The following CDH9 variants were observed in gnomAD, a reference collection of about 807,000 sequenced individuals.
CDH9 encodes cadherin-9.
CDH9 carries 28 observed loss-of-function variants against 70.9 expected under a neutral mutation model. The observed-to-expected ratio is 0.40, with a 90% CI of 0.29 to 0.54. The LOEUF (loss-of-function observed/expected upper bound fraction) is 0.54, where lower values mean the gene tolerates loss of function less well. CDH9 is among the 20% of genes least tolerant of loss of function. CDH9 has a pLI of 0.59. For synonymous variants in CDH9, 409 were observed against 343.1 expected, an observed-to-expected ratio of 1.19 and a Z score of -2.12; for missense variants, 874 against 984.4, an observed-to-expected ratio of 0.89 and a Z score of 1.50.
chr5:26,990,343 T>C (rs2112094120), intron 1 of CDH9, among the ~76,000 whole-genome samples: 1 of 152,290 alleles, frequency 6.6e-6, no homozygotes, highest in African/African-American at 2.4e-5. Context: ...TTTTAAAAAT[T>C]GGTCACTCTT....
intron 2 of CDH9, among the ~76,000 whole-genome samples, chr5:26,947,295 C>T (rs535177204): frequency 6.6e-6 from 1 of 152,092 alleles, no homozygotes; most frequent in Non-Finnish European, 1.5e-5. Context: ...AGCTAAATTT[C>T]TATTCATAGA....
intron 3 of CDH9, among the ~76,000 whole-genome samples, chr5:26,912,508 T>TTATA (rs3071196): frequency 4.0e-5 from 6 of 150,304 alleles, no homozygotes; most frequent in East Asian, 3.9e-4. Context: ...ATATATAGTT[T>TTATA]TATATATATA....
chr5:26,952,720 C>T (rs1741873469), intron 2 of CDH9, among the ~76,000 whole-genome samples: 1 of 149,358 alleles, frequency 6.7e-6, no homozygotes, highest in Non-Finnish European at 1.5e-5. Context: ...AAAAGTAGTC[C>T]TCATGAATAG....
At chr5:26,992,135 C>T (rs547117935) in intron 1 of CDH9, among the ~76,000 whole-genome samples, 20 of 152,266 alleles carry the variant, frequency 1.3e-4, no homozygotes, top group African/African-American at 4.8e-4. Flanking sequence ...GATTTGCATT[C>T]CAGTGGGAAT....
At chr5:27,010,233 C>G (rs1742933599) in intron 1 of CDH9, among the ~76,000 whole-genome samples, 1 of 152,012 alleles carries the variant, frequency 6.6e-6, no homozygotes, top group South Asian at 2.1e-4. Context: ...ATCAATGTTT[C>G]CCTCCCCTCA....
chr5:26,881,038 A>G lies in CDH9; in HGVS notation c.*98T>C, dbSNP rs1000805804. 4.2e-6 allele frequency: 5 copies of G among 1,198,316 alleles called. No homozygotes were observed. The highest frequency in any genetic ancestry group is 5.8e-6 in the Non-Finnish European group (5 of 856,118). 74.2% of individuals were successfully genotyped at this position (1,198,316 alleles called of 1,614,324 possible). ...CATCTACGTATTGTTTGTAACTTCA[A>G]TTTTTGAAAGATTTCCTCCCAGGAA... is the stretch of plus-strand genomic sequence containing the variant. On this transcript the variant is annotated 3_prime_UTR_variant, in exon 12 of 12. Transcript: ENST00000231021.
chr5:26,892,918 A>G (rs952297305), intron 7 of CDH9, among the ~76,000 whole-genome samples: 4 of 151,940 alleles, frequency 2.6e-5, no homozygotes, highest in African/African-American at 9.7e-5. Context: ...TATTTTTAGT[A>G]GAGACAGGGT....
chr5:27,021,729 A>G (rs1202426600), intron 1 of CDH9, among the ~76,000 whole-genome samples: 1 of 151,896 alleles, frequency 6.6e-6, no homozygotes. Flanking sequence ...GCAAGATATC[A>G]TTATAAATAA....
At chr5:26,919,023 C>T (rs1456509541) in intron 2 of CDH9, among the ~76,000 whole-genome samples, 3 of 152,046 alleles carry the variant, frequency 2.0e-5, no homozygotes, top group Admixed American at 2.0e-4. Flanking sequence ...GGAAGGCAGC[C>T]AAGTTCAAGC....
intron 2 of CDH9, among the ~76,000 whole-genome samples, chr5:26,977,403 C>T (rs1350777811): frequency 4.0e-5 from 6 of 151,068 alleles, no homozygotes; most frequent in African/African-American, 7.3e-5. Context: ...ATATAATTGA[C>T]CGTTTTGTTT....
In CDH9 at chr5:26,882,426, T is replaced by G. The variant is rs190212140; in HGVS notation, c.1883-803A>C. Among the ~76,000 whole-genome samples, 48 of 152,206 alleles carry G rather than the reference T, an allele frequency of 3.2e-4. No individual in the cohort carries two copies. The East Asian group carries it at 7.2e-3, about 23-fold the overall frequency. On this transcript the variant is annotated intron_variant, in intron 11 of 11. Transcript: ENST00000231021. ...TTGTTTACATGTCTATGTTACATAG[T>G]TAACTGTGAACTTCCCCTCATATAA...
At chr5:26,974,490 C>CAAAG (rs1448241533) in intron 2 of CDH9, among the ~76,000 whole-genome samples, 1 of 151,966 alleles carries the variant, frequency 6.6e-6, no homozygotes. Flanking sequence ...GTCCTGTGCT[C>CAAAG]AAAGAACCTA....
intron 1 of CDH9, among the ~76,000 whole-genome samples, chr5:27,023,225 G>A (rs1035769280): frequency 2.0e-5 from 3 of 151,968 alleles, no homozygotes; most frequent in Non-Finnish European, 4.4e-5. Context: ...ATACAATTTG[G>A]GAAATGTTTA....
intron 2 of CDH9, among the ~76,000 whole-genome samples, chr5:26,976,353 T>C (rs1365085983): frequency 1.3e-5 from 2 of 152,188 alleles, no homozygotes; most frequent in African/African-American, 4.8e-5. Flanking sequence ...GACCTTCCTA[T>C]AAGATTGAAA....
intron 9 of CDH9, among the ~76,000 whole-genome samples, chr5:26,888,955 T>C (rs958144395): frequency 1.3e-5 from 2 of 152,142 alleles, no homozygotes; most frequent in Non-Finnish European, 2.9e-5. Flanking sequence ...TTCATCTTAA[T>C]TACTTCTTTG....
chr5:26,913,311 A>T (rs2112002306), intron 3 of CDH9, among the ~76,000 whole-genome samples: 1 of 152,272 alleles, frequency 6.6e-6, no homozygotes, highest in South Asian at 2.1e-4. Context: ...TATTTAGGTA[A>T]TGGAAGCACA....
At chr5:26,979,055 A>G (rs1209857783) in intron 2 of CDH9, among the ~76,000 whole-genome samples, 1 of 151,800 alleles carries the variant, frequency 6.6e-6, no homozygotes, top group African/African-American at 2.4e-5. Context: ...TGAACTATAG[A>G]TAAGAATAAA....
chr5:26,899,870 TA>T (rs35314164), intron 7 of CDH9, among the ~76,000 whole-genome samples: 130 of 141,930 alleles, frequency 9.2e-4, no homozygotes, highest in Admixed American at 1.8e-3. Context: ...AAGTATAATT[TA>T]AAAAAAAAAA....
chr5:26,895,375 C>A (rs932425524), intron 7 of CDH9, among the ~76,000 whole-genome samples: 1 of 151,890 alleles, frequency 6.6e-6, no homozygotes, highest in Non-Finnish European at 1.5e-5. Context: ...GCAATAAAAT[C>A]AAGCAAATAT....
Sources: gnomAD v4.1 joint callset for allele counts (sites outside exome capture counted in the v4.1 genomes callset) on GRCh38, gnomAD v4.1.1 for gene constraint, MANE v1.5 for transcripts, NCBI Gene and HGNC (gene_info 2026-07-23, HGNC 2026-07-21) for gene names.